Variants in CSMD1 observed in about 807,000 individuals in gnomAD.
The protein encoded by CSMD1 is CUB and Sushi multiple domains 1.
A neutral mutation model predicts 417.5 loss-of-function variants in CSMD1; 213 were observed. That is an observed-to-expected ratio of 0.51 (90% CI 0.46 to 0.57). The LOEUF is 0.57. Ranked by LOEUF, CSMD1 falls within the 20% of genes least tolerant of loss-of-function variation. The pLI, the probability that CSMD1 is intolerant of heterozygous loss-of-function variation, is 0.00. For synonymous variants in CSMD1, 2,862 were observed against 1,736.8 expected, an observed-to-expected ratio of 1.65 and a Z score of -16.11; for missense variants, 6,923 against 4,529.7, an observed-to-expected ratio of 1.53 and a Z score of -15.17.
chr8:3,357,191 G>C (rs1393771491), intron 21 of CSMD1, among the ~76,000 whole-genome samples: 6 of 152,192 alleles, frequency 3.9e-5, no homozygotes, highest in South Asian at 2.1e-4. Context: ...GGAAAAATCA[G>C]GAAACTGCAG....
intron 3 of CSMD1, among the ~76,000 whole-genome samples, chr8:4,077,478 A>T (rs1229192026): frequency 6.6e-6 from 1 of 151,874 alleles, no homozygotes; most frequent in Non-Finnish European, 1.5e-5. Flanking sequence ...TGTCTAGTTG[A>T]GGCTTCACCT....
intron 2 of CSMD1, among the ~76,000 whole-genome samples, chr8:4,521,616 G>A (rs566880430): frequency 1.6e-4 from 25 of 152,276 alleles, no homozygotes; most frequent in African/African-American, 5.8e-4. Context: ...AAAAATAACA[G>A]AATTGCAAGG....
chr8:3,522,967 TTATC>T (rs1364019225), intron 10 of CSMD1, among the ~76,000 whole-genome samples: 1 of 150,438 alleles, frequency 6.6e-6, no homozygotes. Context: ...GTCTACTCAT[TTATC>T]TATTTTATAT....
chr8:4,316,544 A>T (rs1291038759), intron 3 of CSMD1, among the ~76,000 whole-genome samples: 4 of 152,130 alleles, frequency 2.6e-5, no homozygotes, highest in Non-Finnish European at 5.9e-5. Context: ...TGGTAAAATA[A>T]TTATATATAA....
intron 2 of CSMD1, among the ~76,000 whole-genome samples, chr8:4,436,723 G>T (rs749181021): frequency 1.3e-4 from 19 of 151,978 alleles, no homozygotes; most frequent in African/African-American, 4.4e-4. Flanking sequence ...ATGTCCATGA[G>T]TTTAATTGTT....
At chr8:4,062,327 C>T (rs1799018374) in intron 3 of CSMD1, among the ~76,000 whole-genome samples, 2 of 152,046 alleles carry the variant, frequency 1.3e-5, no homozygotes, top group South Asian at 4.1e-4. Context: ...ATAATATGGT[C>T]CAGGGTGGAG....
At chr8:3,424,195 T>A (rs1338811627) in intron 12 of CSMD1, among the ~76,000 whole-genome samples, 1 of 152,176 alleles carries the variant, frequency 6.6e-6, no homozygotes, top group African/African-American at 2.4e-5. Context: ...GATATTTGTT[T>A]AGTACAGGAA....
At chr8:4,927,196 T>C (rs1355622465) in intron 1 of CSMD1, among the ~76,000 whole-genome samples, 5 of 151,266 alleles carry the variant, frequency 3.3e-5, no homozygotes. Context: ...AATCTCCACC[T>C]CCCACGTTCA....
chr8:4,308,671 C>A (rs76625785), intron 3 of CSMD1, among the ~76,000 whole-genome samples: 2 of 152,260 alleles, frequency 1.3e-5, no homozygotes, highest in South Asian at 2.1e-4. Flanking sequence ...AGAGGCTTTA[C>A]GCAAATATCT....
chr8:3,477,690 A>T (rs1041325006), intron 11 of CSMD1, among the ~76,000 whole-genome samples: 1 of 152,190 alleles, frequency 6.6e-6, no homozygotes, highest in Non-Finnish European at 1.5e-5. Context: ...GATAAGCCAA[A>T]CCAGAAGGAA....
intron 3 of CSMD1, among the ~76,000 whole-genome samples, chr8:4,159,803 T>C (rs1797046306): frequency 6.6e-6 from 1 of 152,106 alleles, no homozygotes; most frequent in Admixed American, 6.6e-5. Flanking sequence ...TTAGCCAGGA[T>C]AGGGAGACCA....
chr8:3,780,010 A>T (rs1799090364), intron 5 of CSMD1, among the ~76,000 whole-genome samples: 1 of 152,368 alleles, frequency 6.6e-6, no homozygotes, highest in Admixed American at 6.5e-5. Context: ...TCCTAAATAC[A>T]AACATGTTCC....
chr8:4,244,470 A>T (rs1407878215), intron 3 of CSMD1, among the ~76,000 whole-genome samples: 1 of 152,184 alleles, frequency 6.6e-6, no homozygotes, highest in Non-Finnish European at 1.5e-5. Context: ...CAAAGTTATA[A>T]ATGTATGATT....
intron 1 of CSMD1, among the ~76,000 whole-genome samples, chr8:4,813,309 C>T (rs1233701138): frequency 1.3e-5 from 2 of 151,840 alleles, no homozygotes; most frequent in Non-Finnish European, 2.9e-5. Context: ...CCCACAGAGC[C>T]GGGGCTGTGA....
At chr8:4,086,648 T>C (rs983323105) in intron 3 of CSMD1, among the ~76,000 whole-genome samples, 4 of 152,216 alleles carry the variant, frequency 2.6e-5, no homozygotes, top group Non-Finnish European at 5.9e-5. Context: ...CACCAAGCGA[T>C]TTCATTCTTT....
At chr8:3,523,855 G>A (rs187292732) in intron 10 of CSMD1, among the ~76,000 whole-genome samples, 11 of 115,370 alleles carry the variant, frequency 9.5e-5, no homozygotes, top group African/African-American at 1.4e-4. Flanking sequence ...ATGTGCATGC[G>A]CATGCACACA....
At chr8:4,312,793 G>C (rs899492265) in intron 3 of CSMD1, among the ~76,000 whole-genome samples, 18 of 152,132 alleles carry the variant, frequency 1.2e-4, no homozygotes, top group Non-Finnish European at 2.1e-4. Context: ...ATAATTGCTT[G>C]AACCAGGGTG....
Position 3,264,008 on chromosome 8 carries a change from T to A in CSMD1, c.4153+20136A>T, listed in dbSNP as rs144981558. Reference sequence around the variant, plus strand: ...ATGAAACTGAAAGATCCTTAATTTGTTTATTTAAAGAGACTTCAGTTTTTT... The same window carrying A: ...ATGAAACTGAAAGATCCTTAATTTGATTATTTAAAGAGACTTCAGTTTTTT... On this transcript the variant is annotated intron_variant, in intron 26 of 69. Coordinates refer to ENST00000635120, the MANE Select transcript of CSMD1 (RefSeq NM_033225.6). Among the ~76,000 whole-genome samples, 129 of 152,336 alleles carry A rather than the reference T, an allele frequency of 8.5e-4. 1 individual carries two copies. The highest frequency in any genetic ancestry group is 3.0e-3 in the African/African-American group (123 of 41,586).
Position 3,714,561 on chromosome 8 carries a change from C to CAAAAAAAAAAAAAAAAAAAAAAAAAA in CSMD1, c.932-6071_932-6070insTTTTTTTTTTTTTTTTTTTTTTTTTT, listed in dbSNP as rs61494901. Among the ~76,000 whole-genome samples the CAAAAAAAAAAAAAAAAAAAAAAAAAA allele has an allele frequency of 1.4e-4, 10 of 70,572 alleles. 3 individuals are homozygous for CAAAAAAAAAAAAAAAAAAAAAAAAAA. The highest frequency in any genetic ancestry group is 1.8e-4 in the Non-Finnish European group (7 of 39,586). 46.3% of individuals were successfully genotyped at this position (70,572 alleles called of 152,430 possible). A position where few individuals can be genotyped will look rare whatever the true frequency, so the allele number is the denominator to read the frequency against. ...ACATGGCGAAACCCCATCTCTATCC[C>CAAAAAAAAAAAAAAAAAAAAAAAAAA]AAAAAAAAAAAAAAAAAAAATTAGC... On this transcript the variant is annotated intron_variant, in intron 6 of 69. Coordinates refer to ENST00000635120, the MANE Select transcript of CSMD1 (RefSeq NM_033225.6).
Sources: gnomAD v4.1 joint callset for allele counts (sites outside exome capture counted in the v4.1 genomes callset) on GRCh38, gnomAD v4.1.1 for gene constraint, MANE v1.5 for transcripts, NCBI Gene and HGNC (gene_info 2026-07-23, HGNC 2026-07-21) for gene names.